Variants in IRAG2 observed in about 807,000 individuals in gnomAD.
IRAG2 encodes inositol 1,4,5-triphosphate receptor associated 2, also known as lymphoid restricted membrane protein.
Under a neutral mutation model 69.9 loss-of-function variants are expected in IRAG2, and 45 were observed. The ratio of observed to expected loss-of-function variants is 0.64; its 90% CI spans 0.51 to 0.83. The LOEUF is 0.83. Among genes scored for constraint, IRAG2 ranks in the 40% least tolerant of loss-of-function variants. The pLI is 0.00. For missense variants in IRAG2, 520 were observed against 587.0 expected (o/e 0.89, Z 1.18); for synonymous variants, 193 against 202.4 (o/e 0.95, Z 0.40).
At chr12:25,059,960 A>G (rs779373541) in intron 1 of IRAG2, among the ~76,000 whole-genome samples, 5 of 152,240 alleles carry the variant, frequency 3.3e-5, no homozygotes, top group Non-Finnish European at 7.3e-5. Context: ...CTGTTGGTTT[A>G]TAAAATAAGA....
At chr12:25,037,949 G>A (rs917421215) in intron 15 of IRAG2, 7 of 398,596 alleles carry the variant, frequency 1.8e-5, no homozygotes, top group African/African-American at 1.0e-4. Flanking sequence ...GAGTACTGGG[G>A]TTTGTTTTGT....
At chr12:25,029,897 C>G (rs1011919756) in intron 9 of IRAG2, among the ~76,000 whole-genome samples, 11 of 152,174 alleles carry the variant, frequency 7.2e-5, no homozygotes, top group African/African-American at 2.7e-4. Context: ...CATGGAATCT[C>G]TATGTTCATA....
intron 10 of IRAG2, among the ~76,000 whole-genome samples, chr12:25,084,126 G>A (rs116598584): frequency 0.02 from 2,979 of 152,298 alleles, 79 homozygotes; most frequent in African/African-American, 0.067. Flanking sequence ...GGTGGCTCAT[G>A]CCTGTAATCC....
At chr12:24,998,863 G>A in the IRAG2 span, among the ~76,000 whole-genome samples, 6 of 151,914 alleles carry the variant, frequency 3.9e-5, no homozygotes, top group African/African-American at 1.2e-4. Flanking sequence ...TTTAGTAAAG[G>A]GAGGAAAACA....
chr12:25,018,190 C>CT (rs1490145615), intron 6 of IRAG2, among the ~76,000 whole-genome samples: 2 of 74,688 alleles, frequency 2.7e-5, no homozygotes, highest in African/African-American at 4.0e-5. Context: ...TTCTTTCTTT[C>CT]TTCTTTTTTT....
At chr12:25,029,022 C>T (rs1944648106) in intron 9 of IRAG2, among the ~76,000 whole-genome samples, 1 of 152,220 alleles carries the variant, frequency 6.6e-6, no homozygotes, top group South Asian at 2.1e-4. Flanking sequence ...CACAAACCTG[C>T]ACGTTGTGCA....
upstream of IRAG2, among the ~76,000 whole-genome samples, chr12:25,050,598 C>G (rs1336414015): frequency 6.9e-6 from 1 of 145,792 alleles, no homozygotes; most frequent in African/African-American, 2.5e-5. Flanking sequence ...AAAAATTAAA[C>G]TACCATCTGA....
chr12:25,099,462 T>C (rs1478134485), intron 15 of IRAG2, among the ~76,000 whole-genome samples: 1 of 152,194 alleles, frequency 6.6e-6, no homozygotes, highest in Non-Finnish European at 1.5e-5. Context: ...AATTCAACCA[T>C]TTATTTCCCT....
rs866388486 is a variant in IRAG2 at position 25,052,886 on chromosome 12, C to T, written c.-517C>T. The stretch of plus-strand genomic sequence containing the variant: ...AGGAAGCAATTTCGGAACAACGGAA[C>T]CTTCAAACTATAAATACTGAATTAT... On this transcript the variant is annotated 5_prime_UTR_variant, in exon 1 of 22. Coordinates refer to ENST00000556887, the MANE Select transcript of IRAG2 (RefSeq NM_001366544.2). The T allele has an allele frequency of 5.0e-6, 2 of 398,446 alleles. No individual in the cohort carries two copies. Among genetic ancestry groups the T allele is most frequent in the East Asian group, 3.6e-5 (1 of 28,086 alleles). The allele number at this position is 398,446 out of a possible 1,614,324, so 24.7% of individuals were successfully genotyped here.
intron 13 of IRAG2, chr12:25,033,958 A>G (rs1944687679): frequency 5.0e-6 from 2 of 398,990 alleles, no homozygotes; most frequent in East Asian, 7.1e-5. Context: ...GTAGGTCATT[A>G]TAAGAAGATG....
intron 8 of IRAG2, among the ~76,000 whole-genome samples, chr12:25,026,021 C>T (rs1009039421): frequency 6.6e-6 from 1 of 152,194 alleles, no homozygotes; most frequent in African/African-American, 2.4e-5. Flanking sequence ...CAACTACTTA[C>T]CTCTGCCTTT....
intron 15 of IRAG2, 45 bp downstream of exon 15, chr12:25,097,089 G>A: frequency 3.2e-6 from 5 of 1,543,896 alleles, no homozygotes; most frequent in Non-Finnish European, 4.4e-6. Flanking sequence ...TTACAAAAAA[G>A]ATTCACTTTT....
intron 8 of IRAG2, among the ~76,000 whole-genome samples, chr12:25,026,590 G>C (rs10842447): frequency 0.37 from 56,232 of 151,884 alleles, 11,368 homozygotes; most frequent in Admixed American, 0.52. Context: ...GATGCTTGCA[G>C]TTAAGGTAAT....
intron 15 of IRAG2, among the ~76,000 whole-genome samples, chr12:25,099,233 A>G (rs1413706847): frequency 1.3e-5 from 2 of 152,000 alleles, no homozygotes; most frequent in African/African-American, 4.8e-5. Flanking sequence ...TGTTTGATAA[A>G]CTCAAACCTA....
At chr12:25,056,923 G>T (rs1427016888) in intron 1 of IRAG2, among the ~76,000 whole-genome samples, 1 of 152,086 alleles carries the variant, frequency 6.6e-6, no homozygotes, top group African/African-American at 2.4e-5. Context: ...GTTCTACAGG[G>T]CTCTGGACTT....
intron 15 of IRAG2, among the ~76,000 whole-genome samples, chr12:25,037,557 C>T (rs931355651): frequency 2.0e-5 from 3 of 152,150 alleles, no homozygotes; most frequent in South Asian, 2.1e-4. Context: ...CCTCAGCCCC[C>T]CAAAGTGCTG....
intron 15 of IRAG2, among the ~76,000 whole-genome samples, chr12:25,099,421 C>T (rs1398747463): frequency 6.6e-6 from 1 of 152,138 alleles, no homozygotes; most frequent in African/African-American, 2.4e-5. Flanking sequence ...TACAGAAAAT[C>T]CTATTGGCTG....
chr12:25,097,145 T>TA, intron 15 of IRAG2, 101 bp downstream of exon 15: 1 of 1,236,708 alleles, frequency 8.1e-7, no homozygotes, highest in Middle Eastern at 2.2e-4. Context: ...TTTTAAAAAA[T>TA]ACTTTTGTTG....
intron 8 of IRAG2, chr12:25,023,972 A>C: frequency 3.1e-4 from 307 of 997,506 alleles, no homozygotes; most frequent in Non-Finnish European, 3.7e-4. Flanking sequence ...AAATCATATC[A>C]TCGTGGTTTA....
Sources: gnomAD v4.1 joint callset for allele counts (sites outside exome capture counted in the v4.1 genomes callset) on GRCh38, gnomAD v4.1.1 for gene constraint, MANE v1.5 for transcripts, NCBI Gene and HGNC (gene_info 2026-07-23, HGNC 2026-07-21) for gene names.